The following KIAA2012 variants were observed in gnomAD, a reference collection of about 807,000 sequenced individuals.
The protein encoded by KIAA2012 is KIAA2012.
Under a neutral mutation model 150.6 loss-of-function variants are expected in KIAA2012, and 125 were observed. That is an observed-to-expected ratio of 0.83 (90% confidence interval 0.72 to 0.96). KIAA2012 has a LOEUF of 0.96. KIAA2012 is among the 40% of genes least tolerant of loss of function. The pLI is 0.00. For synonymous variants in KIAA2012, 462 were observed against 504.7 expected, an observed-to-expected ratio of 0.92 and a Z score of 1.13; for missense variants, 1,219 against 1,354.9, an observed-to-expected ratio of 0.90 and a Z score of 1.57.
chr2:202,114,592 G>A (rs1575019600), intron 11 of KIAA2012: 1 of 167,094 alleles, frequency 6.0e-6, no homozygotes, highest in African/African-American at 2.4e-5. Flanking sequence ...GCAAAAGCTA[G>A]AAGCAGAAAA....
intron 11 of KIAA2012, among the ~76,000 whole-genome samples, chr2:202,123,873 C>G (rs1387820580): frequency 2.0e-5 from 3 of 151,986 alleles, no homozygotes; most frequent in African/African-American, 7.3e-5. Context: ...CTCATACAAA[C>G]ACACCAAATT....
chr2:202,073,338 G>A lies in KIAA2012; in HGVS notation c.-290G>A, dbSNP rs758444230. The A allele has an allele frequency of 1.5e-4, 50 of 334,818 alleles. No individual in the cohort carries two copies. The highest frequency in any genetic ancestry group is 8.6e-4 in the Middle Eastern group (1 of 1,164). 20.7% of individuals were successfully genotyped at this position (334,818 alleles called of 1,614,324 possible). ...CAACCGGGACCAAGGGACAACAAGA[G>A]CTCAGGAGAAGGGGAGAGACAGGTC... On this transcript the variant is annotated 5_prime_UTR_variant, in exon 1 of 24. Coordinates refer to ENST00000498697, the MANE Select transcript of KIAA2012 (RefSeq NM_001277372.4).
At position 202,194,341 on chromosome 2, in the gene KIAA2012, C is replaced by T; in HGVS notation, c.3166C>T (p.Gln1056Ter). 4.5e-6 allele frequency: 7 copies of T among 1,550,176 alleles called. No individual in the cohort carries two copies. The highest frequency in any genetic ancestry group is 6.1e-6 in the Non-Finnish European group (7 of 1,146,984). The stretch of plus-strand genomic sequence containing the variant: ...GCGAGAACTACAGAGAAAAAAGCAG[C>T]AGGAGGAAGCCGAGAGGGCCGGTGA... ...KLRELQRKKQ[Q>*]EEAERAEAEK... Residue 1056 changes from glutamine to a stop codon, truncating the protein, a stop_gained, in exon 21 of 24, where the codon CAG becomes TAG. Coordinates refer to ENST00000498697, the MANE Select transcript of KIAA2012 (RefSeq NM_001277372.4). LOFTEE classifies it high-confidence loss of function.
intron 15 of KIAA2012, among the ~76,000 whole-genome samples, chr2:202,180,922 T>G (rs1692106118): frequency 6.6e-6 from 1 of 152,220 alleles, no homozygotes; most frequent in African/African-American, 2.4e-5. Context: ...AAATTACATG[T>G]TTGGTTAAGT....
At chr2:202,125,155 G>T (rs1358457019) in intron 11 of KIAA2012, 59 bp from the exon 12 acceptor site, 20 of 1,341,960 alleles carry the variant, frequency 1.5e-5, no homozygotes, top group Non-Finnish European at 2.0e-5. Flanking sequence ...TCGGATAAGG[G>T]AATAAATTTT....
intron 22 of KIAA2012, chr2:202,201,927 T>G: frequency 1.2e-6 from 1 of 817,910 alleles, no homozygotes; most frequent in Admixed American, 1.8e-5. Context: ...CAGGGACGGT[T>G]ATCTTTTCCG....
In KIAA2012 at chr2:202,129,811, A is replaced by T. The variant is rs1690885718; in HGVS notation, c.1831+4529A>T. ...ATAGCAAGACCCTGTCTCTAAAAAT[A>T]TTTAAAAAATAAATAAATAAAACAT... On this transcript the variant is annotated intron_variant, in intron 12 of 23. Coordinates refer to ENST00000498697, the MANE Select transcript of KIAA2012 (RefSeq NM_001277372.4). Among the ~76,000 whole-genome samples, 3 of 152,152 alleles carry T rather than the reference A, an allele frequency of 2.0e-5. 1 individual carries two copies. The highest frequency in any genetic ancestry group is 4.4e-5 in the Non-Finnish European group (3 of 68,038).
chr2:202,171,205 GCACACA>G (rs10532177), intron 15 of KIAA2012, among the ~76,000 whole-genome samples: 8 of 149,804 alleles, frequency 5.3e-5, no homozygotes, highest in Non-Finnish European at 8.9e-5. Flanking sequence ...AGACACACAT[GCACACA>G]CACACACACA....
At chr2:202,093,338 G>A (rs908027984) in intron 4 of KIAA2012, among the ~76,000 whole-genome samples, 153 bp downstream of exon 4, 1 of 152,228 alleles carries the variant, frequency 6.6e-6, no homozygotes, top group African/African-American at 2.4e-5. Flanking sequence ...GACCAGCACT[G>A]TCCAATAGTG....
chr2:202,138,557 G>C, intron 13 of KIAA2012, 49 bp downstream of exon 13: 1 of 1,423,270 alleles, frequency 7.0e-7, no homozygotes, highest in South Asian at 1.3e-5. Context: ...CACAACTCTT[G>C]GGTTCTTGTT....
At chr2:202,099,884 C>A in intron 6 of KIAA2012, 88 bp downstream of exon 6, 1 of 1,131,432 alleles carries the variant, frequency 8.8e-7, no homozygotes, top group Non-Finnish European at 1.2e-6. Flanking sequence ...CCAAACATCA[C>A]TTCCTTGCGC....
chr2:202,084,604 T>C (rs889449120), intron 2 of KIAA2012, among the ~76,000 whole-genome samples: 1 of 152,170 alleles, frequency 6.6e-6, no homozygotes, highest in African/African-American at 2.4e-5. Context: ...ATAGCCAGCC[T>C]CCTGCTGTCA....
At chr2:202,155,627 G>A (rs2105712326) in intron 14 of KIAA2012, among the ~76,000 whole-genome samples, 1 of 152,288 alleles carries the variant, frequency 6.6e-6, no homozygotes, top group Non-Finnish European at 1.5e-5. Flanking sequence ...CCTTTGATAA[G>A]AAATGACTGA....
At position 202,119,720 on chromosome 2, in the gene KIAA2012, G is replaced by A. The variant is rs561684595; in HGVS notation, c.1763-5494G>A. Among the ~76,000 whole-genome samples, 23 of 152,178 alleles carry A rather than the reference G, an allele frequency of 1.5e-4. No homozygotes were observed. In the South Asian group the frequency reaches 4.6e-3, roughly 30 times the overall value. On this transcript the variant is annotated intron_variant, in intron 11 of 23. Coordinates refer to ENST00000498697, the MANE Select transcript of KIAA2012 (RefSeq NM_001277372.4). ...CTATGTGACAATTAGAAAACCTGCT[G>A]GGCCAGGCACGGTGGCTCATGCCTA...
At chr2:202,184,670 C>G (rs1041907484) in intron 15 of KIAA2012, 83 bp from the exon 16 acceptor site, 30 of 919,808 alleles carry the variant, frequency 3.3e-5, no homozygotes, top group Non-Finnish European at 4.1e-5. Context: ...TGGCTACTCA[C>G]CAGGTAGATG....
intron 15 of KIAA2012, among the ~76,000 whole-genome samples, chr2:202,176,620 T>C (rs1691996727): frequency 6.6e-6 from 1 of 152,090 alleles, no homozygotes; most frequent in Admixed American, 6.6e-5. Context: ...GTAACCAAAA[T>C]GCAGCAGCAT....
intron 16 of KIAA2012, 24 bp from the exon 17 acceptor site, chr2:202,186,909 C>A (rs1692238469): frequency 6.5e-7 from 1 of 1,546,176 alleles, no homozygotes; most frequent in African/African-American, 1.4e-5. Context: ...TTAGTTTGGT[C>A]CTGTTGGTTT....
chr2:202,112,644 A>G (rs914484295), intron 10 of KIAA2012, among the ~76,000 whole-genome samples: 23 of 152,198 alleles, frequency 1.5e-4, no homozygotes, highest in Non-Finnish European at 2.5e-4. Context: ...GTCAGAACTG[A>G]ATTAAATTAT....
At chr2:202,204,103 G>A (rs1395806569) in intron 23 of KIAA2012, among the ~76,000 whole-genome samples, 3 of 146,830 alleles carry the variant, frequency 2.0e-5, no homozygotes, top group African/African-American at 7.6e-5. Flanking sequence ...TTAAGACAGG[G>A]TCTCACTCTG....
Sources: allele counts gnomAD v4.1 joint callset (sites outside exome capture counted in the v4.1 genomes callset), GRCh38; gene constraint gnomAD v4.1.1; transcripts MANE v1.5; gene names NCBI Gene and HGNC (gene_info 2026-07-23, HGNC 2026-07-21).